The following TLL1 variants were observed in gnomAD, a reference collection of about 807,000 sequenced individuals.
The protein encoded by TLL1 is tolloid-like protein 1.
A neutral mutation model predicts 128.2 loss-of-function variants in TLL1; 49 were observed. That is an observed-to-expected ratio of 0.38 (90% CI 0.30 to 0.48). The LOEUF (loss-of-function observed/expected upper bound fraction) is 0.48. Ranked by LOEUF, TLL1 falls within the 20% of genes least tolerant of loss-of-function variation. The pLI is 0.96. For missense variants in TLL1, 1,123 were observed against 1,242.0 expected (o/e 0.90, Z 1.44); for synonymous variants, 454 against 418.8 (o/e 1.08, Z -1.03).
At chr4:165,921,346 T>G (rs1320316943) in intron 1 of TLL1, among the ~76,000 whole-genome samples, 1 of 152,162 alleles carries the variant, frequency 6.6e-6, no homozygotes, top group Non-Finnish European at 1.5e-5. Context: ...AGAAACAAAG[T>G]AATTAATATA....
At position 166,085,485 on chromosome 4, in the gene TLL1, T is replaced by TTA. The variant is rs1553968777; in HGVS notation, c.2443-5643_2443-5642insTA. Among the ~76,000 whole-genome samples the TTA allele has an allele frequency of 1.7e-3, 263 of 151,868 alleles. 7 individuals carry two copies. The East Asian group carries it at 0.041, about 24-fold the overall frequency. The stretch of plus-strand genomic sequence containing the variant: ...CTAATTTGTTGAGAGGTTTTTTTTT[T>TTA]ATCATGAAAGGATGTTGAATTTGCC... On this transcript the variant is annotated intron_variant, in intron 18 of 20. Transcript: ENST00000061240.
intron 1 of TLL1, among the ~76,000 whole-genome samples, chr4:165,987,012 T>C (rs138234134): frequency 2.2e-4 from 34 of 152,214 alleles, no homozygotes; most frequent in African/African-American, 8.2e-4. Context: ...TAATCATTTG[T>C]AGTGATTGGG....
chr4:165,921,159 C>T (rs1025557584), intron 1 of TLL1, among the ~76,000 whole-genome samples: 1 of 152,080 alleles, frequency 6.6e-6, no homozygotes, highest in Non-Finnish European at 1.5e-5. Flanking sequence ...TTATGGGGCC[C>T]AAATGAGATG....
At chr4:166,018,515 A>G (rs1389100829) in intron 8 of TLL1, among the ~76,000 whole-genome samples, 2 of 152,122 alleles carry the variant, frequency 1.3e-5, no homozygotes, top group Non-Finnish European at 2.9e-5. Flanking sequence ...AAGCAAACAG[A>G]CAACCTACAC....
intron 12 of TLL1, among the ~76,000 whole-genome samples, chr4:166,045,774 C>T (rs1180633459): frequency 6.6e-6 from 1 of 152,096 alleles, no homozygotes; most frequent in South Asian, 2.1e-4. Context: ...CAACCTCACT[C>T]CCACATCACA....
Position 165,883,595 on chromosome 4 carries a change from C to T in TLL1, c.169+9522C>T, listed in dbSNP as rs181851445. 5.1e-3 allele frequency among the ~76,000 whole-genome samples: 780 copies of T among 152,234 alleles called. 4 individuals are homozygous for T. The highest frequency in any genetic ancestry group is 7.4e-3 in the Non-Finnish European group (502 of 67,998). On this transcript the variant is annotated intron_variant, in intron 1 of 20. Coordinates refer to ENST00000061240, the MANE Select transcript of TLL1 (RefSeq NM_012464.5). ...AAAGTACACATCGCTTTTTCTGGAA[C>T]ATAACAAACACTGTATTATTTTATC... is the stretch of plus-strand genomic sequence containing the variant.
At chr4:165,962,340 A>G (rs1331478444) in intron 1 of TLL1, among the ~76,000 whole-genome samples, 1 of 152,210 alleles carries the variant, frequency 6.6e-6, no homozygotes, top group African/African-American at 2.4e-5. Context: ...ATCACTAATC[A>G]TTAGAAATGG....
intron 1 of TLL1, among the ~76,000 whole-genome samples, chr4:165,899,466 A>G (rs972462202): frequency 2.6e-5 from 4 of 151,974 alleles, no homozygotes; most frequent in Admixed American, 6.6e-5. Flanking sequence ...TTTCTGCCTT[A>G]ATTTCGTTAT....
intron 1 of TLL1, among the ~76,000 whole-genome samples, chr4:165,893,227 G>A (rs1731500894): frequency 2.0e-5 from 3 of 152,160 alleles, no homozygotes; most frequent in Admixed American, 2.0e-4. Flanking sequence ...TGTACAGGAT[G>A]GAGTAACAGG....
chr4:166,027,030 C>T (rs956637445), intron 9 of TLL1, among the ~76,000 whole-genome samples: 1 of 152,012 alleles, frequency 6.6e-6, no homozygotes, highest in African/African-American at 2.4e-5. Flanking sequence ...AAATGTGGTA[C>T]ACATACACCA....
At chr4:165,963,585 T>G (rs892604412) in intron 1 of TLL1, among the ~76,000 whole-genome samples, 2 of 152,064 alleles carry the variant, frequency 1.3e-5, no homozygotes, top group Non-Finnish European at 2.9e-5. Context: ...AATTGAGAAT[T>G]GAAGAATAAT....
At chr4:165,971,726 A>AT (rs1024648500) in intron 1 of TLL1, among the ~76,000 whole-genome samples, 22 of 152,178 alleles carry the variant, frequency 1.4e-4, no homozygotes, top group African/African-American at 5.3e-4. Flanking sequence ...GCCTTTTAAA[A>AT]TTTTTTAAAA....
At chr4:165,938,982 C>T (rs996249512) in intron 1 of TLL1, among the ~76,000 whole-genome samples, 1 of 151,722 alleles carries the variant, frequency 6.6e-6, no homozygotes, top group African/African-American at 2.4e-5. Flanking sequence ...CGTGTTTCCT[C>T]AGAATTCTTT....
intron 1 of TLL1, chr4:165,919,798 T>A (rs1302864286): frequency 2.2e-6 from 1 of 456,084 alleles, no homozygotes; most frequent in Non-Finnish European, 4.4e-6. Flanking sequence ...TTTAAAACAC[T>A]CACTCTGGGA....
chr4:166,030,098 G>A (rs537476382), intron 9 of TLL1, among the ~76,000 whole-genome samples: 1 of 152,108 alleles, frequency 6.6e-6, no homozygotes, highest in East Asian at 1.9e-4. Context: ...TTATTTCACA[G>A]TCCTCACTAA....
rs981786034 is a variant in TLL1 at position 166,103,864 on chromosome 4, C to T, written c.*2988C>T. ...TAGAAAAAAAAAAAAACACTGTTCT[C>T]ACTTGATTTTATTAAATTATTTTTA... On this transcript the variant is annotated 3_prime_UTR_variant, in exon 21 of 21. Coordinates refer to ENST00000061240, the MANE Select transcript of TLL1 (RefSeq NM_012464.5). 6.7e-6 allele frequency: 1 copy of T among 149,796 alleles called. No homozygotes were observed. Among genetic ancestry groups the T allele is most frequent in the East Asian group, 2.0e-4 (1 of 5,108 alleles). The allele number at this position is 149,796 out of a possible 1,614,324, so 9.3% of individuals were successfully genotyped here.
At chr4:165,902,539 T>C (rs1732045574) in intron 1 of TLL1, among the ~76,000 whole-genome samples, 1 of 152,002 alleles carries the variant, frequency 6.6e-6, no homozygotes, top group African/African-American at 2.4e-5. Flanking sequence ...GGGAGGGAGT[T>C]CCCTGACTCC....
chr4:165,892,342 C>T (rs1005694623), intron 1 of TLL1, among the ~76,000 whole-genome samples: 4 of 152,156 alleles, frequency 2.6e-5, no homozygotes, highest in African/African-American at 9.7e-5. Flanking sequence ...CAAAGGAAAT[C>T]TTATGCTTCA....
chr4:165,941,207 AACTT>A (rs1342334307), intron 1 of TLL1, among the ~76,000 whole-genome samples: 1 of 152,082 alleles, frequency 6.6e-6, no homozygotes. Flanking sequence ...GAACACAAAG[AACTT>A]ACTTAATGGG....
Sources: allele counts gnomAD v4.1 joint callset (sites outside exome capture counted in the v4.1 genomes callset), GRCh38; gene constraint gnomAD v4.1.1; transcripts MANE v1.5; gene names NCBI Gene and HGNC (gene_info 2026-07-23, HGNC 2026-07-21).